ST18: variants seen among roughly 807,000 people sequenced by gnomAD.
ST18 encodes the protein ST18 C2H2C-type zinc finger transcription factor.
ST18 carries 50 observed loss-of-function variants against 110.0 expected under a neutral mutation model. The observed-to-expected ratio is 0.45, with a 90% CI of 0.36 to 0.58. The LOEUF is 0.58. Ranked by LOEUF, ST18 falls within the 20% of genes least tolerant of loss-of-function variation. ST18 has a pLI of 0.00. For synonymous variants in ST18, 461 were observed against 452.4 expected (o/e 1.02, Z -0.24); for missense variants, 1,306 against 1,280.1 (o/e 1.02, Z -0.31).
intron 2 of ST18, among the ~76,000 whole-genome samples, chr8:52,400,413 T>G (rs1235843701): frequency 1.3e-5 from 2 of 152,164 alleles, no homozygotes; most frequent in Non-Finnish European, 2.9e-5. Context: ...TCAGTTATTA[T>G]TGATAATAGT....
chr8:52,265,684 A>G (rs1175230531), intron 2 of ST18, among the ~76,000 whole-genome samples: 2 of 152,204 alleles, frequency 1.3e-5, no homozygotes, highest in Non-Finnish European at 1.5e-5. Context: ...TTTAGTGTCA[A>G]AGGGAAACTG....
intron 2 of ST18, among the ~76,000 whole-genome samples, chr8:52,243,731 T>C (rs1461554899): frequency 3.3e-5 from 5 of 152,230 alleles, no homozygotes; most frequent in African/African-American, 4.8e-5. Context: ...TTATAATTAT[T>C]GCCACATATA....
intron 2 of ST18, among the ~76,000 whole-genome samples, chr8:52,376,089 C>A (rs185278937): frequency 6.6e-6 from 1 of 152,298 alleles, no homozygotes; most frequent in Non-Finnish European, 1.5e-5. Context: ...ATAGCAACAG[C>A]CCCTTACAGG....
Position 52,166,877 on chromosome 8 carries a change from G to A in ST18, c.1179C>T (p.Pro393=). 1.3e-6 allele frequency: 2 copies of A among 1,596,170 alleles called. No homozygotes were observed. The highest frequency in any genetic ancestry group is 1.1e-5 in the South Asian group (1 of 89,438). The part of the protein sequence containing the change: ...YPHHRSLSGC[P]HKVRVPLEIL... ...TTTCCAGGGGAACCCGCACTTTGTG[G>A]GGGCACCCCGAAAGGCTGCGGTGGT... Residue 393 remains proline, a synonymous_variant, in exon 11 of 26, where the codon CCC becomes CCT. Transcript: ENST00000689386.
intron 5 of ST18, among the ~76,000 whole-genome samples, chr8:52,220,006 G>T (rs972126730): frequency 6.6e-6 from 1 of 152,130 alleles, no homozygotes; most frequent in Non-Finnish European, 1.5e-5. Context: ...ACCAATTTGT[G>T]CCAGGGATTT....
intron 8 of ST18, among the ~76,000 whole-genome samples, chr8:52,204,884 GATA>G (rs1474754984): frequency 6.6e-6 from 1 of 152,060 alleles, no homozygotes; most frequent in African/African-American, 2.4e-5. Context: ...ATATCCTTGT[GATA>G]ATATTTGAAT....
Position 52,288,700 on chromosome 8 carries a change from T to TAAA in ST18, c.-464-58626_-464-58624dup, listed in dbSNP as rs548531236. Reference sequence around the variant, plus strand: ...TAGACTAAGACTCAGTCTCAAAAAATAAAAAAAAAAAAATAAAAGGAAAAA... The same window carrying TAAA: ...TAGACTAAGACTCAGTCTCAAAAAATAAAAAAAAAAAAAAAATAAAAGGAAAAA... On this transcript the variant is annotated intron_variant, in intron 2 of 25. Coordinates refer to ENST00000689386, the MANE Select transcript of ST18 (RefSeq NM_001352837.2). Among the ~76,000 whole-genome samples the TAAA allele has an allele frequency of 5.0e-3, 536 of 107,120 alleles. 2 individuals are homozygous for TAAA. The highest frequency in any genetic ancestry group is 0.017 in the African/African-American group (509 of 29,736). The allele number at this position is 107,120 out of a possible 152,430, so 70.3% of individuals were successfully genotyped here.
chr8:52,322,379 A>G (rs1804339658), intron 2 of ST18, among the ~76,000 whole-genome samples: 1 of 152,232 alleles, frequency 6.6e-6, no homozygotes, highest in African/African-American at 2.4e-5. Flanking sequence ...GGCAGTTTTC[A>G]TGAATACTAT....
At chr8:52,342,446 A>T (rs1815534509) in intron 2 of ST18, among the ~76,000 whole-genome samples, 1 of 152,214 alleles carries the variant, frequency 6.6e-6, no homozygotes, top group Non-Finnish European at 1.5e-5. Context: ...TCTTTTGTTT[A>T]TTCATTCAAC....
At chr8:52,321,065 T>C (rs57113530) in intron 2 of ST18, among the ~76,000 whole-genome samples, 1 of 152,224 alleles carries the variant, frequency 6.6e-6, no homozygotes, top group African/African-American at 2.4e-5. Context: ...AGTTGCAGAA[T>C]GATCCTTTTA....
intron 8 of ST18, among the ~76,000 whole-genome samples, chr8:52,181,938 C>G (rs183265330): frequency 6.6e-6 from 1 of 152,000 alleles, no homozygotes; most frequent in Non-Finnish European, 1.5e-5. Flanking sequence ...TAGAGAAACT[C>G]TAGGAACCTC....
intron 25 of ST18, among the ~76,000 whole-genome samples, chr8:52,114,160 G>A (rs914787606): frequency 6.6e-6 from 1 of 151,482 alleles, no homozygotes; most frequent in Non-Finnish European, 1.5e-5. Flanking sequence ...ATTAGAGATG[G>A]AATTTCACCA....
At chr8:52,306,332 T>C (rs898255499) in intron 2 of ST18, among the ~76,000 whole-genome samples, 1 of 152,234 alleles carries the variant, frequency 6.6e-6, no homozygotes, top group Non-Finnish European at 1.5e-5. Flanking sequence ...ACACTGATTT[T>C]CTGGCCCCTC....
chr8:52,372,682 C>A (rs147504151), intron 2 of ST18, among the ~76,000 whole-genome samples: 2 of 152,186 alleles, frequency 1.3e-5, no homozygotes, highest in South Asian at 4.1e-4. Context: ...CCTACAGTAG[C>A]ATGCTGTACA....
chr8:52,408,721 A>T (rs1385277636), intron 2 of ST18, among the ~76,000 whole-genome samples: 1 of 152,256 alleles, frequency 6.6e-6, no homozygotes, highest in Non-Finnish European at 1.5e-5. Flanking sequence ...GACCTAAATT[A>T]GCTAGAGATT....
At chr8:52,344,092 A>G (rs1305647965) in intron 2 of ST18, among the ~76,000 whole-genome samples, 3 of 152,234 alleles carry the variant, frequency 2.0e-5, no homozygotes, top group Admixed American at 1.3e-4. Flanking sequence ...CTGTACAGCT[A>G]TTAATACTAA....
intron 2 of ST18, among the ~76,000 whole-genome samples, chr8:52,352,572 G>C (rs900581519): frequency 3.9e-5 from 6 of 152,168 alleles, no homozygotes; most frequent in Non-Finnish European, 7.3e-5. Context: ...GCTAAGTCTA[G>C]GGCTGTTTTC....
At chr8:52,210,221 A>C (rs2081684960) in intron 8 of ST18, 1 of 427,148 alleles carries the variant, frequency 2.3e-6, no homozygotes, top group South Asian at 1.7e-5. Context: ...AGGGGACATA[A>C]ATAAAGCCTC....
intron 2 of ST18, among the ~76,000 whole-genome samples, chr8:52,333,551 T>C (rs1439892071): frequency 6.6e-6 from 1 of 151,954 alleles, no homozygotes; most frequent in Non-Finnish European, 1.5e-5. Flanking sequence ...GAGCAAATGA[T>C]AGAAAAAGGC....
Sources: allele counts gnomAD v4.1 joint callset (sites outside exome capture counted in the v4.1 genomes callset), GRCh38; gene constraint gnomAD v4.1.1; transcripts MANE v1.5; gene names NCBI Gene and HGNC (gene_info 2026-07-23, HGNC 2026-07-21).